CTNNA3: variants seen among roughly 807,000 people sequenced by gnomAD.
CTNNA3 encodes the protein catenin alpha-3.
Under a neutral mutation model 95.7 loss-of-function variants are expected in CTNNA3, and 76 were observed. The observed-to-expected ratio is 0.79, with a 90% CI of 0.66 to 0.96. The LOEUF (loss-of-function observed/expected upper bound fraction) is 0.96. Ranked by LOEUF, CTNNA3 falls within the 40% of genes least tolerant of loss-of-function variation. The pLI is 0.00. For synonymous variants in CTNNA3, 431 were observed against 374.4 expected (o/e 1.15, Z -1.74); for missense variants, 1,191 against 1,089.8 (o/e 1.09, Z -1.31).
At chr10:66,722,717 A>G (rs931457812) in intron 9 of CTNNA3, among the ~76,000 whole-genome samples, 1 of 152,024 alleles carries the variant, frequency 6.6e-6, no homozygotes, top group African/African-American at 2.4e-5. Context: ...GTACTTCTCT[A>G]GGACTGTCTT....
At chr10:66,105,405 T>C (rs1019557727) in intron 13 of CTNNA3, among the ~76,000 whole-genome samples, 2 of 152,244 alleles carry the variant, frequency 1.3e-5, no homozygotes, top group Non-Finnish European at 2.9e-5. Flanking sequence ...ATTCTCTTTC[T>C]TGTGCCCTGT....
intron 9 of CTNNA3, among the ~76,000 whole-genome samples, chr10:66,650,834 G>C (rs1215925870): frequency 1.3e-5 from 2 of 152,156 alleles, no homozygotes; most frequent in Admixed American, 6.5e-5. Flanking sequence ...TTCACAGTGA[G>C]TGTTACAGCT....
intron 7 of CTNNA3, among the ~76,000 whole-genome samples, chr10:66,898,609 A>G (rs1044306227): frequency 6.6e-6 from 1 of 152,226 alleles, no homozygotes; most frequent in Non-Finnish European, 1.5e-5. Flanking sequence ...CATCTTCAAC[A>G]AATAATGTTG....
At position 67,607,162 on chromosome 10, in the gene CTNNA3, G is replaced by C. The variant is rs868466216; in HGVS notation, c.100-113C>G. On this transcript the variant is annotated intron_variant, in intron 2 of 17. Transcript: ENST00000433211. ...TACAGTTGACACTTGAGCAACTCAAGGGCTAGGGGCGCCAACCCACCGTGC... is the reference window on the plus strand; with the variant it reads ...TACAGTTGACACTTGAGCAACTCAACGGCTAGGGGCGCCAACCCACCGTGC... 92 of 794,504 alleles carry C rather than the reference G, an allele frequency of 1.2e-4. No homozygotes were observed. In the Middle Eastern group the frequency reaches 3.8e-3, roughly 33 times the overall value. 49.2% of individuals were successfully genotyped at this position (794,504 alleles called of 1,614,324 possible). A position where few individuals can be genotyped will look rare whatever the true frequency, so the allele number is the denominator to read the frequency against.
intron 15 of CTNNA3, among the ~76,000 whole-genome samples, chr10:66,060,827 A>G (rs967516385): frequency 6.6e-6 from 1 of 152,072 alleles, no homozygotes; most frequent in Non-Finnish European, 1.5e-5. Flanking sequence ...TTTATGAACA[A>G]CAGGGTGATT....
chr10:66,780,007 T>C (rs981662767), intron 7 of CTNNA3, among the ~76,000 whole-genome samples: 8 of 151,930 alleles, frequency 5.3e-5, no homozygotes, highest in African/African-American at 1.5e-4. Flanking sequence ...TAGGTAACAA[T>C]TGAGTATTAC....
At position 66,249,399 on chromosome 10, in the gene CTNNA3, A is replaced by G. The variant is rs141115659; in HGVS notation, c.1884+31071T>C. ...CTGAGAAAGGATTAATAACCAGAAT[A>G]TATAAGTAGCTCAAACAACTCTATA... is the stretch of plus-strand genomic sequence containing the variant. On this transcript the variant is annotated intron_variant, in intron 13 of 17. Transcript: ENST00000433211. Among the ~76,000 whole-genome samples, 1,207 of 152,294 alleles carry G rather than the reference A, an allele frequency of 7.9e-3. 10 individuals carry two copies. Among genetic ancestry groups the G allele is most frequent in the East Asian group, 0.032 (164 of 5,168 alleles).
intron 7 of CTNNA3, among the ~76,000 whole-genome samples, chr10:67,116,136 A>G (rs1025863518): frequency 1.3e-5 from 2 of 152,036 alleles, no homozygotes; most frequent in African/African-American, 2.4e-5. Context: ...CAGCAGTGGT[A>G]TAATAATTTA....
intron 9 of CTNNA3, among the ~76,000 whole-genome samples, chr10:66,628,648 A>C (rs764487973): frequency 3.9e-5 from 6 of 152,166 alleles, no homozygotes; most frequent in Non-Finnish European, 8.8e-5. Flanking sequence ...AATAAATGGC[A>C]GTTCATAAAA....
chr10:66,268,064 A>G (rs932020067), intron 13 of CTNNA3, among the ~76,000 whole-genome samples: 6 of 152,174 alleles, frequency 3.9e-5, no homozygotes, highest in Non-Finnish European at 7.3e-5. Context: ...TTGTTAAAAA[A>G]TAACTGTTAT....
At chr10:65,984,602 AC>A (rs78699412) in intron 16 of CTNNA3, among the ~76,000 whole-genome samples, 16,239 of 151,312 alleles carry the variant, frequency 0.11, 1,091 homozygotes, top group East Asian at 0.19. Context: ...AATGCTAAAA[AC>A]AATGACATAA....
At chr10:66,867,123 T>G (rs906905483) in intron 7 of CTNNA3, among the ~76,000 whole-genome samples, 6 of 152,188 alleles carry the variant, frequency 3.9e-5, no homozygotes, top group African/African-American at 1.4e-4. Flanking sequence ...ATTAAACATC[T>G]TTTTCTTTAT....
At chr10:67,288,700 G>A (rs1334773614) in intron 5 of CTNNA3, among the ~76,000 whole-genome samples, 1 of 152,146 alleles carries the variant, frequency 6.6e-6, no homozygotes, top group African/African-American at 2.4e-5. Flanking sequence ...ATTGTACTCT[G>A]GCACCTGTAA....
intron 12 of CTNNA3, among the ~76,000 whole-genome samples, chr10:66,305,303 C>T (rs2091916917): frequency 6.6e-6 from 1 of 152,042 alleles, no homozygotes; most frequent in Non-Finnish European, 1.5e-5. Context: ...CATGTTTGAG[C>T]TTCTTTTGCT....
chr10:66,625,467 C>T (rs1244028575), intron 9 of CTNNA3, among the ~76,000 whole-genome samples: 1 of 152,118 alleles, frequency 6.6e-6, no homozygotes, highest in African/African-American at 2.4e-5. Context: ...AGGCTCACTG[C>T]AACCTCCACC....
At chr10:67,067,571 T>C (rs1856169895) in intron 7 of CTNNA3, among the ~76,000 whole-genome samples, 1 of 152,188 alleles carries the variant, frequency 6.6e-6, no homozygotes, top group Non-Finnish European at 1.5e-5. Context: ...AAGATAATAA[T>C]TTAGACTCAT....
At chr10:66,529,980 C>A (rs546981211) in intron 10 of CTNNA3, among the ~76,000 whole-genome samples, 18 of 152,174 alleles carry the variant, frequency 1.2e-4, no homozygotes, top group Non-Finnish European at 1.8e-4. Context: ...TTAGCTCATG[C>A]CTTAGAGGTT....
intron 1 of CTNNA3, among the ~76,000 whole-genome samples, chr10:67,693,531 A>G (rs931285509): frequency 6.6e-6 from 1 of 152,218 alleles, no homozygotes; most frequent in Non-Finnish European, 1.5e-5. Flanking sequence ...ACATGCAAAC[A>G]GAAGTTCATG....
rs533183742 is a variant in CTNNA3, at chr10:66,780,915, G to A, written c.1048-5391C>T. Among the ~76,000 whole-genome samples, 415 of 152,188 alleles carry A rather than the reference G, an allele frequency of 2.7e-3. 4 individuals carry two copies. The highest frequency in any genetic ancestry group is 9.6e-3 in the African/African-American group (397 of 41,536). On this transcript the variant is annotated intron_variant, in intron 7 of 17. Transcript: ENST00000433211. Reference sequence around the variant, plus strand: ...TCTAACTTTAAAATTCTATGAAAGGGCCATGTTCTCTAAAAGGAAGAATTG... The same window carrying A: ...TCTAACTTTAAAATTCTATGAAAGGACCATGTTCTCTAAAAGGAAGAATTG...
Sources: allele counts gnomAD v4.1 joint callset (sites outside exome capture counted in the v4.1 genomes callset), GRCh38; gene constraint gnomAD v4.1.1; transcripts MANE v1.5; gene names NCBI Gene and HGNC (gene_info 2026-07-23, HGNC 2026-07-21).